POU2F1: variants seen among roughly 807,000 people sequenced by gnomAD.
The protein encoded by POU2F1 is POU domain, class 2, transcription factor 1.
Under a neutral mutation model 84.9 loss-of-function variants are expected in POU2F1, and 16 were observed. The ratio of observed to expected loss-of-function variants is 0.19; its 90% CI spans 0.13 to 0.29. POU2F1 has a LOEUF of 0.29. POU2F1 is among the 10% of genes least tolerant of loss of function. POU2F1 has a pLI of 1.00. For synonymous variants in POU2F1, 368 were observed against 368.3 expected (o/e 1.00, Z 0.01); for missense variants, 738 against 942.6 (o/e 0.78, Z 2.84).
intron 1 of POU2F1, among the ~76,000 whole-genome samples, chr1:167,274,635 AAC>A (rs35168283): frequency 0.015 from 2,293 of 152,302 alleles, 24 homozygotes; most frequent in South Asian, 0.039. Context: ...TCTGAATTTT[AAC>A]ACAGTTAAAA....
chr1:167,389,790 C>A, intron 9 of POU2F1, 29 bp downstream of exon 9: 1 of 1,599,402 alleles, frequency 6.3e-7, no homozygotes, highest in South Asian at 1.1e-5. Context: ...ACATTGATTC[C>A]CCTCCTTGGC....
chr1:167,234,149 G>A (rs979554363), intron 1 of POU2F1, among the ~76,000 whole-genome samples: 8 of 152,130 alleles, frequency 5.3e-5, no homozygotes, highest in Non-Finnish European at 7.3e-5. Context: ...TGGAATTGGG[G>A]GATTGCAGAA....
chr1:167,221,020 C>G (rs1446055529), intron 1 of POU2F1, 62 bp downstream of exon 1: 9 of 1,372,572 alleles, frequency 6.6e-6, no homozygotes, highest in Non-Finnish European at 8.0e-6. Flanking sequence ...CGCTGCCCCC[C>G]CCCGCGACTT....
At chr1:167,291,690 G>A (rs1653933532) in intron 1 of POU2F1, among the ~76,000 whole-genome samples, 1 of 152,180 alleles carries the variant, frequency 6.6e-6, no homozygotes, top group Admixed American at 6.5e-5. Flanking sequence ...AGAGTGCAGG[G>A]AGGTGCTAGG....
intron 1 of POU2F1, among the ~76,000 whole-genome samples, chr1:167,233,289 C>T (rs1047796119): frequency 3.3e-5 from 5 of 151,804 alleles, no homozygotes; most frequent in Admixed American, 1.3e-4. Flanking sequence ...GGCGCACGCA[C>T]CCATGCCCAG....
rs562717586 is a variant in POU2F1 at position 167,322,828 on chromosome 1, G to T, written c.62-9642G>T. 7.9e-5 allele frequency among the ~76,000 whole-genome samples: 12 copies of T among 152,330 alleles called. No individual in the cohort carries two copies. The South Asian group carries it at 2.5e-3, about 32-fold the overall frequency. ...AACGGGAAACAAAGAGATGGGCTCTGGCTGGTTATCTGCAGCAGGAACATG... is the reference window on the plus strand; with the variant it reads ...AACGGGAAACAAAGAGATGGGCTCTTGCTGGTTATCTGCAGCAGGAACATG... On this transcript the variant is annotated intron_variant, in intron 1 of 15. Coordinates refer to ENST00000367866, the MANE Select transcript of POU2F1 (RefSeq NM_002697.4).
chr1:167,411,871 C>G, intron 13 of POU2F1, 88 bp from the exon 14 acceptor site: 1 of 1,209,332 alleles, frequency 8.3e-7, no homozygotes, highest in Non-Finnish European at 1.2e-6. Flanking sequence ...TTAATTATTC[C>G]ATTGATTATA....
intron 1 of POU2F1, among the ~76,000 whole-genome samples, chr1:167,316,155 A>G (rs1476812605): frequency 6.6e-6 from 1 of 152,204 alleles, no homozygotes; most frequent in Non-Finnish European, 1.5e-5. Context: ...CTTGATTGCA[A>G]TGATAGTTAC....
intron 2 of POU2F1, among the ~76,000 whole-genome samples, chr1:167,340,426 TTTTTC>T (rs1387401591): frequency 1.1e-4 from 16 of 143,314 alleles, no homozygotes; most frequent in African/African-American, 4.2e-4. Flanking sequence ...CTTTTTTCTT[TTTTTC>T]TTTTTTTTTT....
chr1:167,270,836 C>T (rs1318024071), intron 1 of POU2F1, among the ~76,000 whole-genome samples: 3 of 152,174 alleles, frequency 2.0e-5, no homozygotes, highest in South Asian at 4.1e-4. Context: ...GTTGAATGCT[C>T]CGTCTCCTGC....
chr1:167,326,899 G>T (rs1276721606), intron 1 of POU2F1, among the ~76,000 whole-genome samples: 1 of 152,222 alleles, frequency 6.6e-6, no homozygotes, highest in East Asian at 1.9e-4. Context: ...GAAAAGGGCA[G>T]ATGGTAAGTT....
intron 2 of POU2F1, chr1:167,357,487 C>G (rs1476203748): frequency 2.0e-5 from 3 of 150,468 alleles, no homozygotes; most frequent in Non-Finnish European, 4.4e-5. Context: ...TTCAAGCAGT[C>G]CTTCCCCTCT....
In POU2F1 at chr1:167,375,997, C is replaced by G. The variant is rs372502977; in HGVS notation, c.592-32C>G. 4.3e-6 allele frequency: 7 copies of G among 1,612,674 alleles called. No individual in the cohort carries two copies. The East Asian group carries it at 1.6e-4, about 36-fold the overall frequency. On this transcript the variant is annotated intron_variant, in intron 6 of 15. Coordinates refer to ENST00000367866, the MANE Select transcript of POU2F1 (RefSeq NM_002697.4). ...ATTAAGCGAACTTTTATTTCAGAATCTCCAATCCATGTTTTAATTCCAATT... is the reference window on the plus strand; with the variant it reads ...ATTAAGCGAACTTTTATTTCAGAATGTCCAATCCATGTTTTAATTCCAATT...
chr1:167,321,768 G>A (rs1267153162), intron 1 of POU2F1, among the ~76,000 whole-genome samples: 1 of 152,148 alleles, frequency 6.6e-6, no homozygotes. Context: ...ACTTGAAGTG[G>A]TTCCTTCAAA....
chr1:167,311,795 T>C (rs1435584390), intron 1 of POU2F1, among the ~76,000 whole-genome samples: 3 of 150,706 alleles, frequency 2.0e-5, no homozygotes, highest in African/African-American at 4.8e-5. Context: ...TTTATTTATT[T>C]ATTTATTTAT....
At position 167,223,082 on chromosome 1, in the gene POU2F1, G is replaced by A. The variant is rs78337725; in HGVS notation, c.61+2124G>A. Among the ~76,000 whole-genome samples the A allele has an allele frequency of 3.9e-4, 60 of 152,248 alleles. No individual in the cohort carries two copies. In the East Asian group the frequency reaches 9.3e-3, roughly 24 times the overall value. ...CTTCATTCTAATTTAAAATGGAGCT[G>A]ACGTTAATTTTGTGCTATCATTGTC... On this transcript the variant is annotated intron_variant, in intron 1 of 15. Coordinates refer to ENST00000367866, the MANE Select transcript of POU2F1 (RefSeq NM_002697.4).
At chr1:167,338,914 C>T (rs1387417018) in intron 2 of POU2F1, among the ~76,000 whole-genome samples, 1 of 152,060 alleles carries the variant, frequency 6.6e-6, no homozygotes, top group Non-Finnish European at 1.5e-5. Context: ...TTTTTCAATT[C>T]TTTGGTTTAT....
At chr1:167,308,286 C>T (rs1318787732) in intron 1 of POU2F1, among the ~76,000 whole-genome samples, 1 of 151,954 alleles carries the variant, frequency 6.6e-6, no homozygotes, top group Non-Finnish European at 1.5e-5. Flanking sequence ...ATTCTGGTCT[C>T]GAACTCCCAA....
At chr1:167,304,422 C>T (rs542559636) in intron 1 of POU2F1, among the ~76,000 whole-genome samples, 10 of 152,236 alleles carry the variant, frequency 6.6e-5, no homozygotes, top group African/African-American at 2.4e-4. Context: ...GGAGTTTAAA[C>T]CTAGTTCTGT....
Sources: gnomAD v4.1 joint callset for allele counts (sites outside exome capture counted in the v4.1 genomes callset) on GRCh38, gnomAD v4.1.1 for gene constraint, MANE v1.5 for transcripts, NCBI Gene and HGNC (gene_info 2026-07-23, HGNC 2026-07-21) for gene names.